The following CSMD1 variants were observed in gnomAD, a reference collection of about 807,000 sequenced individuals.
The protein encoded by CSMD1 is CUB and sushi domain-containing protein 1.
In CSMD1, 213 loss-of-function variants were observed where a neutral mutation model predicts 417.5. The observed-to-expected ratio is 0.51, with a 90% CI of 0.46 to 0.57. The LOEUF (loss-of-function observed/expected upper bound fraction) is 0.57, where lower values mean the gene tolerates loss of function less well. Among genes scored for constraint, CSMD1 ranks in the 20% least tolerant of loss-of-function variants. CSMD1 has a pLI of 0.00. For synonymous variants in CSMD1, 2,862 were observed against 1,736.8 expected (o/e 1.65, Z -16.11); for missense variants, 6,923 against 4,529.7 (o/e 1.53, Z -15.17).
intron 8 of CSMD1, among the ~76,000 whole-genome samples, chr8:3,609,188 G>A (rs942002729): frequency 1.3e-5 from 2 of 152,112 alleles, no homozygotes; most frequent in African/African-American, 2.4e-5. Context: ...ATAAACATGA[G>A]GATAATTACA....
intron 1 of CSMD1, among the ~76,000 whole-genome samples, chr8:4,981,179 C>T (rs1022430051): frequency 5.9e-5 from 9 of 151,924 alleles, no homozygotes; most frequent in African/African-American, 1.7e-4. Flanking sequence ...CAACTGAAAA[C>T]GCTTTACCAT....
At chr8:4,046,619 T>C (rs1469713749) in intron 3 of CSMD1, among the ~76,000 whole-genome samples, 3 of 152,082 alleles carry the variant, frequency 2.0e-5, no homozygotes, top group South Asian at 2.1e-4. Context: ...TGAGTCTTGA[T>C]AATTCCATCA....
At chr8:2,962,431 C>T in intron 61 of CSMD1, 35 bp downstream of exon 61, 1 of 1,575,130 alleles carries the variant, frequency 6.3e-7, no homozygotes, top group Admixed American at 1.8e-5. Context: ...TCCAAATACT[C>T]CCAGGTATCC....
intron 51 of CSMD1, among the ~76,000 whole-genome samples, chr8:3,025,407 C>CTGAAACT (rs1809794399): frequency 8.3e-6 from 1 of 120,680 alleles, no homozygotes; most frequent in Non-Finnish European, 1.8e-5. Context: ...ATTCTGAAAC[C>CTGAAACT]GTGTATTGTG....
chr8:4,477,888 T>C (rs1800888440), intron 2 of CSMD1, among the ~76,000 whole-genome samples: 1 of 152,246 alleles, frequency 6.6e-6, no homozygotes, highest in Non-Finnish European at 1.5e-5. Context: ...TCCTCATTTA[T>C]AACTGGTGGC....
intron 3 of CSMD1, among the ~76,000 whole-genome samples, chr8:4,251,616 G>C (rs907650429): frequency 6.6e-6 from 1 of 152,128 alleles, no homozygotes; most frequent in African/African-American, 2.4e-5. Context: ...TTTCATGTCT[G>C]GATATTACAC....
intron 3 of CSMD1, among the ~76,000 whole-genome samples, chr8:4,323,368 T>C (rs1799377736): frequency 6.6e-6 from 1 of 152,150 alleles, no homozygotes; most frequent in African/African-American, 2.4e-5. Flanking sequence ...CTTATGTTCT[T>C]TCCTGTACAG....
At chr8:4,776,682 G>T (rs1047814901) in intron 1 of CSMD1, among the ~76,000 whole-genome samples, 1 of 152,120 alleles carries the variant, frequency 6.6e-6, no homozygotes, top group Non-Finnish European at 1.5e-5. Context: ...TTTACCACAG[G>T]GAGACAACCA....
At chr8:4,874,974 A>G (rs971540463) in intron 1 of CSMD1, among the ~76,000 whole-genome samples, 1 of 149,172 alleles carries the variant, frequency 6.7e-6, no homozygotes, top group African/African-American at 2.5e-5. Flanking sequence ...TTTCTCCTTT[A>G]TTTCCTTCTT....
chr8:3,498,250 T>A (rs764034981), intron 10 of CSMD1, among the ~76,000 whole-genome samples: 2 of 152,230 alleles, frequency 1.3e-5, no homozygotes, highest in Non-Finnish European at 2.9e-5. Context: ...CTTTGAAGTT[T>A]TTTATTATGT....
chr8:3,896,505 C>A (rs556894841), intron 5 of CSMD1, among the ~76,000 whole-genome samples: 7 of 151,098 alleles, frequency 4.6e-5, no homozygotes, highest in Non-Finnish European at 8.9e-5. Flanking sequence ...AATATTATTA[C>A]TATTATTATT....
intron 33 of CSMD1, among the ~76,000 whole-genome samples, chr8:3,196,605 C>T (rs1796716462): frequency 6.6e-6 from 1 of 152,126 alleles, no homozygotes; most frequent in Admixed American, 6.5e-5. Context: ...ATAGCTTTAG[C>T]TTCTCAATTC....
intron 21 of CSMD1, among the ~76,000 whole-genome samples, chr8:3,351,598 CAA>C (rs10718608): frequency 0.05 from 6,254 of 124,214 alleles, 419 homozygotes; most frequent in African/African-American, 0.17. Flanking sequence ...GACTCTGTTT[CAA>C]AAAAAAAAAA....
chr8:4,578,300 G>A (rs903510259), intron 2 of CSMD1, among the ~76,000 whole-genome samples: 6 of 145,538 alleles, frequency 4.1e-5, no homozygotes, highest in Admixed American at 3.5e-4. Context: ...AGAGTAGCTG[G>A]GATTACAGGC....
intron 26 of CSMD1, among the ~76,000 whole-genome samples, chr8:3,275,926 G>T (rs556294227): frequency 6.6e-6 from 1 of 152,176 alleles, no homozygotes; most frequent in African/African-American, 2.4e-5. Context: ...TCTTCTCTCA[G>T]CTTGTCAAAC....
At chr8:3,970,066 CTA>C (rs1812975992) in intron 5 of CSMD1, among the ~76,000 whole-genome samples, 1 of 152,204 alleles carries the variant, frequency 6.6e-6, no homozygotes. Flanking sequence ...ACTAAGTAGT[CTA>C]TGTTAGGTGC....
At chr8:4,196,160 G>C (rs572217372) in intron 3 of CSMD1, among the ~76,000 whole-genome samples, 1 of 152,096 alleles carries the variant, frequency 6.6e-6, no homozygotes, top group Non-Finnish European at 1.5e-5. Flanking sequence ...GCAGGGAGCC[G>C]AGATCGCGCC....
chr8:3,030,940 T>C (rs1810303467), intron 50 of CSMD1, among the ~76,000 whole-genome samples: 2 of 152,006 alleles, frequency 1.3e-5, no homozygotes, highest in African/African-American at 4.8e-5. Flanking sequence ...ACAGTAACAA[T>C]GAAGTCTAAA....
intron 2 of CSMD1, among the ~76,000 whole-genome samples, chr8:4,541,540 G>T (rs902926297): frequency 6.6e-6 from 1 of 151,856 alleles, no homozygotes; most frequent in African/African-American, 2.4e-5. Flanking sequence ...TTGAGGTCAG[G>T]AGTTCAAGAA....
Sources: allele counts gnomAD v4.1 joint callset (sites outside exome capture counted in the v4.1 genomes callset), GRCh38; gene constraint gnomAD v4.1.1; transcripts MANE v1.5; gene names NCBI Gene and HGNC (gene_info 2026-07-23, HGNC 2026-07-21).